The following PHYH variants were observed in gnomAD, a reference collection of about 807,000 sequenced individuals.
PHYH encodes the protein phytanoyl-CoA 2-hydroxylase.
A neutral mutation model predicts 38.5 loss-of-function variants in PHYH; 32 were observed. The ratio of observed to expected loss-of-function variants is 0.83; its 90% CI spans 0.63 to 1.12. The LOEUF (loss-of-function observed/expected upper bound fraction) is 1.12, where lower values mean the gene tolerates loss of function less well. Ranked by LOEUF, PHYH falls within the 50% of genes most tolerant of loss-of-function variation. The pLI is 0.00. For missense variants in PHYH, 426 were observed against 434.8 expected (o/e 0.98, Z 0.18); for synonymous variants, 166 against 157.9 (o/e 1.05, Z -0.38).
intron 6 of PHYH, among the ~76,000 whole-genome samples, chr10:13,286,396 G>A (rs1191363075): frequency 6.6e-6 from 1 of 152,244 alleles, no homozygotes. Context: ...CCATGCAATG[G>A]AATACTACTC....
chr10:13,294,528 G>C lies in PHYH; in HGVS notation c.314C>G (p.Thr105Ser). 6.2e-7 allele frequency: 1 copy of C among 1,613,650 alleles called. No homozygotes were observed. The highest frequency in any genetic ancestry group is 2.2e-5 in the East Asian group (1 of 44,878). Residue 105 changes from threonine to serine, a missense_variant, in exon 4 of 9, where the codon ACC becomes AGC. Transcript: ENST00000263038. Reference protein sequence around the residue: ...PLGLTVMRDVTISKSEYAPSE... With the variant: ...PLGLTVMRDVSISKSEYAPSE... ...TGGAGCATATTCGGATTTCGAAATG[G>C]TCACATCTCTCATTACTGTTAATCC... is the stretch of plus-strand genomic sequence containing the variant.
chr10:13,299,214 C>T (rs905586192), intron 1 of PHYH, among the ~76,000 whole-genome samples: 3 of 151,832 alleles, frequency 2.0e-5, no homozygotes, highest in African/African-American at 7.3e-5. Flanking sequence ...AGAGAGTTGA[C>T]ATAGAATTGC....
rs1835475675 is a variant in PHYH at position 13,283,775 on chromosome 10, A to G, written c.743T>C (p.Leu248Pro). Residue 248 changes from leucine (L) to proline (P), a missense_variant, in exon 7 of 9, where the codon CTG becomes CCG. Transcript: ENST00000263038. ...AACAGTGTCGCCCTTCTCCATCACC[A>G]GGTGCACCCGGGCCTTGTTTTCCTC... ...DYEENKARVH[L>P]VMEKGDTVFF... is the part of the protein sequence containing the mutation. 1 of 1,613,602 alleles carries G rather than the reference A, an allele frequency of 6.2e-7. No individual in the cohort carries two copies. The highest frequency in any genetic ancestry group is 1.1e-5 in the South Asian group (1 of 91,072).
chr10:13,299,921 G>T, intron 1 of PHYH, 47 bp downstream of exon 1: 4 of 1,491,624 alleles, frequency 2.7e-6, no homozygotes, highest in Non-Finnish European at 3.6e-6. Flanking sequence ...TCAGGCGGCG[G>T]CGCCGGCGCC....
chr10:13,297,574 CT>C, intron 2 of PHYH, among the ~76,000 whole-genome samples: 1 of 152,146 alleles, frequency 6.6e-6, no homozygotes, highest in East Asian at 1.9e-4. Flanking sequence ...CCACTTCAGC[CT>C]CCTGAGTAGC....
rs1310532591 is a variant in PHYH, at chr10:13,281,065, C to G, written c.874G>C (p.Val292Leu). 7 of 1,613,810 alleles carry G rather than the reference C, an allele frequency of 4.3e-6. No individual in the cohort carries two copies. The highest frequency in any genetic ancestry group is 3.3e-4 in the Middle Eastern group (2 of 6,080). The change falls in exon 8 of 9, where the codon GTG becomes CTG. Residue 292 changes from valine (V) to leucine (L), a missense_variant. Transcript: ENST00000263038. ...FASADCHYIDVKGTSQENIEK... is the reference protein window; with the variant it reads ...FASADCHYIDLKGTSQENIEK... ...ATGTTTTCTTGACTGGTGCCCTTCA[C>G]GTCAATGTAGTGGCAATCGGCACTG...
chr10:13,295,237 G>C, intron 3 of PHYH: 1 of 455,344 alleles, frequency 2.2e-6, no homozygotes. Flanking sequence ...GCTGAGGCAA[G>C]AGGATTGCTT....
chr10:13,299,414 C>T, intron 1 of PHYH: 1 of 1,000,678 alleles, frequency 1.0e-6, no homozygotes. Flanking sequence ...CCGCGCCAGT[C>T]CTCACCCGCT....
chr10:13,280,892 A>G, intron 8 of PHYH, 84 bp downstream of exon 8: 1 of 1,318,206 alleles, frequency 7.6e-7, no homozygotes, highest in Non-Finnish European at 1.1e-6. Context: ...ATATACTGTC[A>G]AATAAACTAG....
chr10:13,284,831 G>A (rs575705221), intron 6 of PHYH, among the ~76,000 whole-genome samples: 44 of 152,252 alleles, frequency 2.9e-4, no homozygotes, highest in African/African-American at 1.0e-3. Context: ...CTTCCTAAGA[G>A]CATCCCCAGT....
chr10:13,294,352 G>A (rs1835785350), intron 4 of PHYH, 76 bp downstream of exon 4: 11 of 1,422,094 alleles, frequency 7.7e-6, no homozygotes, highest in Admixed American at 3.4e-5. Context: ...CACTGCGCCC[G>A]GCCAAATCAG....
At chr10:13,280,915 T>C in intron 8 of PHYH, 61 bp downstream of exon 8, 1 of 1,477,408 alleles carries the variant, frequency 6.8e-7, no homozygotes, top group South Asian at 1.1e-5. Context: ...ATGAGAATTA[T>C]GAAGCATCTG....
chr10:13,300,062 C>G lies in PHYH; in HGVS notation c.-20G>C, dbSNP rs546291238. The G allele has an allele frequency of 6.5e-7, 1 of 1,529,246 alleles. No homozygotes were observed. The highest frequency in any genetic ancestry group is 1.4e-5 in the African/African-American group (1 of 71,824). 94.7% of individuals were successfully genotyped at this position (1,529,246 alleles called of 1,614,324 possible). A position where few individuals can be genotyped will look rare whatever the true frequency, so the allele number is the denominator to read the frequency against. ...CTCCATGGCTGCGGCGCGGGGAACC[C>G]CCACCCCTCCCGGCCTCTGCCCCAT... On this transcript the variant is annotated 5_prime_UTR_variant, in exon 1 of 9. Transcript: ENST00000263038.
chr10:13,297,832 A>G (rs547787108), intron 2 of PHYH, among the ~76,000 whole-genome samples: 117 of 360 alleles, frequency 0.33, 1 homozygote, highest in East Asian at 0.49. Context: ...GTGATGGCTC[A>G]GGCTGCAATC....
chr10:13,287,133 G>T (rs1331203283), intron 6 of PHYH, among the ~76,000 whole-genome samples: 1 of 152,138 alleles, frequency 6.6e-6, no homozygotes, highest in Admixed American at 6.6e-5. Context: ...GAGTTAAAGA[G>T]ATCAGGACCA....
intron 1 of PHYH, 24 bp downstream of exon 1, chr10:13,299,944 A>G (rs757483422): frequency 2.0e-6 from 3 of 1,511,856 alleles, no homozygotes; most frequent in Admixed American, 2.0e-5. Context: ...ATCCAGCCCG[A>G]GCCCCGCGCA....
Position 13,288,465 on chromosome 10 carries a change from G to A in PHYH, c.573C>T (p.Cys191=), listed in dbSNP as rs1054747084. 9.9e-6 allele frequency: 16 copies of A among 1,614,072 alleles called. No individual in the cohort carries two copies. Among genetic ancestry groups the A allele is most frequent in the African/African-American group, 2.7e-5 (2 of 74,936 alleles). Residue 191 remains cysteine, a synonymous_variant, in exon 6 of 9, where the codon TGC becomes TGT. Transcript: ENST00000263038. ...FPFRPSDLIV[C]AWTAMEHISR... ...TGATGTGCTCCATCGCCGTCCAGGC[G>A]CAAACGATGAGATCGCTGGGCCTGA... is the stretch of plus-strand genomic sequence containing the variant.
chr10:13,294,855 C>G (rs762690798), intron 3 of PHYH: 2 of 492,918 alleles, frequency 4.1e-6, no homozygotes, highest in Non-Finnish European at 7.4e-6. Flanking sequence ...ATAATAATAA[C>G]AGCAAACATT....
chr10:13,277,835 A>G lies in PHYH; in HGVS notation c.*466T>C. ...ATATCCACTTTATTTGGACTCCATG[A>G]CACCGTTCCTATGCCCTTGACTAGA... On this transcript the variant is annotated 3_prime_UTR_variant, in exon 9 of 9. Transcript: ENST00000263038. 4.8e-6 allele frequency: 1 copy of G among 208,690 alleles called. No individual in the cohort carries two copies. Among genetic ancestry groups the G allele is most frequent in the Non-Finnish European group, 9.7e-6 (1 of 103,204 alleles). The allele number at this position is 208,690 out of a possible 1,614,324, so 12.9% of individuals were successfully genotyped here. A position where few individuals can be genotyped will look rare whatever the true frequency, so the allele number is the denominator to read the frequency against.
Sources: gnomAD v4.1 joint callset for allele counts (sites outside exome capture counted in the v4.1 genomes callset) on GRCh38, gnomAD v4.1.1 for gene constraint, MANE v1.5 for transcripts, NCBI Gene and HGNC (gene_info 2026-07-23, HGNC 2026-07-21) for gene names.